The following IPPK variants were observed in gnomAD, a reference collection of about 807,000 sequenced individuals.
The protein encoded by IPPK is inositol-pentakisphosphate 2-kinase.
A neutral mutation model predicts 64.6 loss-of-function variants in IPPK; 22 were observed. That is an observed-to-expected ratio of 0.34 (90% CI 0.24 to 0.49). The LOEUF is 0.49. IPPK is among the 20% of genes least tolerant of loss of function. IPPK has a pLI of 0.99. For synonymous variants in IPPK, 262 were observed against 247.2 expected (o/e 1.06, Z -0.56); for missense variants, 532 against 630.7 (o/e 0.84, Z 1.68).
chr9:92,658,745 A>G, intron 1 of IPPK, 64 bp from the exon 2 acceptor site: 1 of 1,437,992 alleles, frequency 7.0e-7, no homozygotes. Flanking sequence ...GGTGTCAGTC[A>G]GTTTGGGGGT....
intron 12 of IPPK, chr9:92,618,893 C>T (rs1851532797): frequency 3.1e-6 from 1 of 321,914 alleles, no homozygotes; most frequent in Non-Finnish European, 6.1e-6. Context: ...GGGTTTAGCA[C>T]CCCTGAAGAT....
chr9:92,649,140 C>T (rs979720787), intron 5 of IPPK, among the ~76,000 whole-genome samples: 1 of 152,228 alleles, frequency 6.6e-6, no homozygotes, highest in Non-Finnish European at 1.5e-5. Context: ...GAAAACGGGT[C>T]AGGGGGACCC....
intron 1 of IPPK, among the ~76,000 whole-genome samples, chr9:92,666,366 G>A (rs918870526): frequency 7.9e-5 from 12 of 152,220 alleles, no homozygotes; most frequent in African/African-American, 2.9e-4. Flanking sequence ...AAGGAGGCAG[G>A]CGCAGGCGTC....
intron 11 of IPPK, among the ~76,000 whole-genome samples, chr9:92,630,526 T>G (rs1851819952): frequency 6.6e-6 from 1 of 152,200 alleles, no homozygotes; most frequent in Non-Finnish European, 1.5e-5. Context: ...GTAAACTGTA[T>G]GGTATATAAA....
intron 1 of IPPK, among the ~76,000 whole-genome samples, chr9:92,669,249 C>A (rs1018269154): frequency 1.3e-5 from 2 of 152,132 alleles, no homozygotes; most frequent in African/African-American, 4.8e-5. Context: ...TCTGGGCCCT[C>A]ACAGAAACCC....
At chr9:92,659,404 G>C (rs1406796046) in intron 1 of IPPK, among the ~76,000 whole-genome samples, 2 of 152,176 alleles carry the variant, frequency 1.3e-5, no homozygotes, top group Non-Finnish European at 2.9e-5. Flanking sequence ...GTATTGATGT[G>C]TCTACATCAA....
At chr9:92,669,617 G>T (rs1359812956) in intron 1 of IPPK, among the ~76,000 whole-genome samples, 1 of 152,164 alleles carries the variant, frequency 6.6e-6, no homozygotes, top group Non-Finnish European at 1.5e-5. Flanking sequence ...AGGGGGATGT[G>T]GAACTGACTC....
intron 11 of IPPK, among the ~76,000 whole-genome samples, chr9:92,630,075 C>CA (rs1484573921): frequency 2.0e-5 from 3 of 152,020 alleles, no homozygotes; most frequent in Non-Finnish European, 2.9e-5. Flanking sequence ...CACATCCATG[C>CA]AAAAAAACCC....
At position 92,615,267 on chromosome 9, in the gene IPPK, T is replaced by G; in HGVS notation, c.*565A>C. 6.4e-6 allele frequency: 1 copy of G among 157,444 alleles called. No homozygotes were observed. Among genetic ancestry groups the G allele is most frequent in the South Asian group, 1.9e-4 (1 of 5,180 alleles). 9.8% of individuals were successfully genotyped at this position (157,444 alleles called of 1,614,324 possible). A position where few individuals can be genotyped will look rare whatever the true frequency, so the allele number is the denominator to read the frequency against. On this transcript the variant is annotated 3_prime_UTR_variant, in exon 13 of 13. Transcript: ENST00000287996. ...TCAGCACCTCCACAGGGACCCTGAG[T>G]CTACACTGCTCAGAATCGGCATCTG...
chr9:92,655,096 C>T (rs1280927981), intron 3 of IPPK, among the ~76,000 whole-genome samples: 6 of 152,256 alleles, frequency 3.9e-5, no homozygotes, highest in Non-Finnish European at 8.8e-5. Context: ...CCACACCCAC[C>T]GGGCAGGGCT....
chr9:92,642,085 A>C (rs72756418), intron 7 of IPPK, among the ~76,000 whole-genome samples: 6,039 of 152,326 alleles, frequency 0.04, 185 homozygotes, highest in South Asian at 0.11. Context: ...TCCCACCCTC[A>C]GCCCTGCCAG....
intron 11 of IPPK, among the ~76,000 whole-genome samples, chr9:92,630,958 C>T (rs1451353429): frequency 6.6e-6 from 1 of 152,156 alleles, no homozygotes. Context: ...AGCCCACCAC[C>T]TCCTGTTTTT....
intron 12 of IPPK, chr9:92,619,001 GA>G (rs564209461): frequency 1.0e-3 from 254 of 249,242 alleles, no homozygotes; most frequent in African/African-American, 5.1e-3. Flanking sequence ...ACATTAGGGA[GA>G]GGGGCGGCAC....
chr9:92,640,273 C>T (rs1852019754), intron 8 of IPPK, among the ~76,000 whole-genome samples: 2 of 152,098 alleles, frequency 1.3e-5, no homozygotes, highest in Admixed American at 1.3e-4. Flanking sequence ...GCCTCTCCTC[C>T]GCAGATGCCC....
intron 4 of IPPK, among the ~76,000 whole-genome samples, chr9:92,651,117 C>T (rs1852258866): frequency 6.6e-6 from 1 of 152,008 alleles, no homozygotes; most frequent in Non-Finnish European, 1.5e-5. Context: ...GTGGCGTTCC[C>T]GCCTCCCCAG....
At chr9:92,630,920 A>C (rs1196405160) in intron 11 of IPPK, among the ~76,000 whole-genome samples, 1 of 151,774 alleles carries the variant, frequency 6.6e-6, no homozygotes, top group Non-Finnish European at 1.5e-5. Context: ...CACAGAGGTC[A>C]AAAAACTATG....
intron 7 of IPPK, among the ~76,000 whole-genome samples, chr9:92,641,731 A>G (rs572119723): frequency 1.3e-4 from 20 of 152,176 alleles, no homozygotes; most frequent in Admixed American, 2.6e-4. Context: ...AACCAAAAGC[A>G]CTGACATGAT....
chr9:92,626,918 GAAAA>G (rs11449391), intron 11 of IPPK, among the ~76,000 whole-genome samples: 263 of 138,696 alleles, frequency 1.9e-3, no homozygotes, highest in African/African-American at 6.7e-3. Flanking sequence ...ATGCTATTAA[GAAAA>G]AAAAAAAACA....
chr9:92,634,622 T>C (rs1851904471), intron 10 of IPPK, 134 bp from the exon 11 acceptor site: 1 of 655,098 alleles, frequency 1.5e-6, no homozygotes. Context: ...AACAGATCTA[T>C]CTCCCTCATG....
Sources: allele counts gnomAD v4.1 joint callset (sites outside exome capture counted in the v4.1 genomes callset), GRCh38; gene constraint gnomAD v4.1.1; transcripts MANE v1.5; gene names NCBI Gene and HGNC (gene_info 2026-07-23, HGNC 2026-07-21).